The following GCNT2 variants were observed in gnomAD, a reference collection of about 807,000 sequenced individuals.
GCNT2 encodes N-acetyllactosaminide beta-1,6-N-acetylglucosaminyl-transferase.
GCNT2 carries 34 observed loss-of-function variants against 34.2 expected under a neutral mutation model. The ratio of observed to expected loss-of-function variants is 1.00; its 90% confidence interval spans 0.76 to 1.32. GCNT2 has a LOEUF of 1.32. Ranked by LOEUF, GCNT2 falls within the 40% of genes most tolerant of loss-of-function variation. GCNT2 has a pLI of 0.00. For synonymous variants in GCNT2, 212 were observed against 188.0 expected (o/e 1.13, Z -1.04); for missense variants, 584 against 489.4 (o/e 1.19, Z -1.82).
chr6:10,542,989 C>A (rs887660352), intron 3 of GCNT2, among the ~76,000 whole-genome samples: 5 of 149,542 alleles, frequency 3.3e-5, no homozygotes, highest in African/African-American at 1.2e-4. Flanking sequence ...CTCACTGCAA[C>A]CTCCACCTCC....
intron 3 of GCNT2, among the ~76,000 whole-genome samples, chr6:10,614,376 C>A (rs1765676045): frequency 6.6e-6 from 1 of 152,108 alleles, no homozygotes; most frequent in Non-Finnish European, 1.5e-5. Flanking sequence ...GCTGTAATCC[C>A]AGCATTTTGG....
chr6:10,539,180 CTTTT>C lies in GCNT2; in HGVS notation c.925+9367_925+9370del, dbSNP rs71548847. On this transcript the variant is annotated intron_variant, in intron 3 of 4. Transcript: ENST00000495262. ...AGCCTATCTCTACAGCTCACCGTCT[CTTTT>C]TTTTTTTTTTTTTTTTTTTTTTGAG... Among the ~76,000 whole-genome samples, 22 of 65,328 alleles carry C rather than the reference CTTTT, an allele frequency of 3.4e-4. No homozygotes were observed. In the South Asian group the frequency reaches 3.5e-3, roughly 10 times the overall value. 42.9% of individuals were successfully genotyped at this position (65,328 alleles called of 152,430 possible). A position where few individuals can be genotyped will look rare whatever the true frequency, so the allele number is the denominator to read the frequency against.
At chr6:10,568,854 T>C (rs958433686) in intron 3 of GCNT2, among the ~76,000 whole-genome samples, 34 of 152,182 alleles carry the variant, frequency 2.2e-4, no homozygotes, top group African/African-American at 8.0e-4. Flanking sequence ...ATTTAAATAA[T>C]GGCCTTGTTT....
chr6:10,602,470 A>T (rs188297290), intron 3 of GCNT2, among the ~76,000 whole-genome samples: 78 of 152,350 alleles, frequency 5.1e-4, no homozygotes, highest in African/African-American at 1.7e-3. Context: ...GGTTATTTGT[A>T]GAATAAGACT....
chr6:10,585,995 C>T (rs1328262036), intron 3 of GCNT2: 1 of 1,613,996 alleles, frequency 6.2e-7, no homozygotes, highest in South Asian at 1.1e-5. Flanking sequence ...AAATAATGAA[C>T]TTTTGGAGGT....
intron 3 of GCNT2, among the ~76,000 whole-genome samples, chr6:10,587,607 T>C (rs1367060578): frequency 1.3e-5 from 2 of 152,230 alleles, no homozygotes; most frequent in East Asian, 3.8e-4. Context: ...CATTCCAATT[T>C]GCAGCTTCTT....
At chr6:10,582,369 T>C (rs1157082735) in intron 3 of GCNT2, among the ~76,000 whole-genome samples, 1 of 108,072 alleles carries the variant, frequency 9.3e-6, no homozygotes, top group South Asian at 2.4e-4. Flanking sequence ...ATATAATATA[T>C]ACTATAATTT....
At chr6:10,577,777 G>A (rs1485360488) in intron 3 of GCNT2, among the ~76,000 whole-genome samples, 1 of 151,976 alleles carries the variant, frequency 6.6e-6, no homozygotes. Context: ...CTGTCCTCTG[G>A]TGATCCACCT....
At chr6:10,626,141 C>T (rs1388937167) in intron 4 of GCNT2, among the ~76,000 whole-genome samples, 1 of 152,098 alleles carries the variant, frequency 6.6e-6, no homozygotes, top group East Asian at 1.9e-4. Flanking sequence ...TTTTGATATA[C>T]ACAATAATTA....
intron 3 of GCNT2, among the ~76,000 whole-genome samples, chr6:10,577,666 G>A (rs571886844): frequency 2.0e-5 from 3 of 152,066 alleles, no homozygotes; most frequent in Non-Finnish European, 4.4e-5. Flanking sequence ...ACAGCCTCCC[G>A]AGTAGCTGGG....
At chr6:10,532,122 G>C (rs1307512824) in intron 3 of GCNT2, among the ~76,000 whole-genome samples, 1 of 152,038 alleles carries the variant, frequency 6.6e-6, no homozygotes, top group Non-Finnish European at 1.5e-5. Flanking sequence ...AGCAGGGCTG[G>C]GGAAGTGCTG....
At chr6:10,583,850 T>G (rs1168885157) in intron 3 of GCNT2, among the ~76,000 whole-genome samples, 4 of 152,194 alleles carry the variant, frequency 2.6e-5, no homozygotes, top group East Asian at 1.9e-4. Context: ...TATCTGAAGC[T>G]CTCTTTGTGA....
chr6:10,585,060 TGTGTGTGTGTGTGTGTGTGC>T (rs1177381664), intron 3 of GCNT2, among the ~76,000 whole-genome samples: 28 of 140,452 alleles, frequency 2.0e-4, no homozygotes, highest in Admixed American at 7.6e-4. Flanking sequence ...TGTGTGTGTG[TGTGTGTGTGTGTGTGTGTGC>T]GCGCTATATT....
rs551720749 is a variant in GCNT2 at position 10,628,396 on chromosome 6, A to G, written c.*1789A>G. On this transcript the variant is annotated 3_prime_UTR_variant, in exon 5 of 5. Transcript: ENST00000495262. ...TCATATTTAAAGGGAATGACTTTGA[A>G]GTAAAACCTTTTTTCTTGCTACTGA... The G allele has an allele frequency of 6.6e-6, 1 of 152,438 alleles. No individual in the cohort carries two copies. Among genetic ancestry groups the G allele is most frequent in the African/African-American group, 2.4e-5 (1 of 41,582 alleles). 9.4% of individuals were successfully genotyped at this position (152,438 alleles called of 1,614,324 possible).
chr6:10,522,988 T>A (rs1480770756), intron 1 of GCNT2, among the ~76,000 whole-genome samples: 2 of 152,234 alleles, frequency 1.3e-5, no homozygotes, highest in African/African-American at 4.8e-5. Context: ...TTGGAAAGCC[T>A]GGAGTTGTCA....
chr6:10,568,963 C>G (rs1581420589), intron 3 of GCNT2, among the ~76,000 whole-genome samples: 1 of 151,934 alleles, frequency 6.6e-6, no homozygotes, highest in South Asian at 2.1e-4. Context: ...CCTTTATAAA[C>G]CTCTGTTGTA....
chr6:10,601,911 A>T (rs1765099844), intron 3 of GCNT2, among the ~76,000 whole-genome samples: 1 of 148,422 alleles, frequency 6.7e-6, no homozygotes. Flanking sequence ...ACTGCACTCC[A>T]GCCTGGGCAA....
intron 3 of GCNT2, among the ~76,000 whole-genome samples, chr6:10,560,098 A>C (rs1762903438): frequency 6.6e-6 from 1 of 151,712 alleles, no homozygotes. Context: ...CAGCTCTTCT[A>C]TTTTTTTTGA....
chr6:10,542,806 A>G (rs917391422), intron 3 of GCNT2, among the ~76,000 whole-genome samples: 54 of 150,804 alleles, frequency 3.6e-4, no homozygotes, highest in South Asian at 2.5e-3. Flanking sequence ...TGCTATGAAC[A>G]TTCCTGAACA....
Sources: allele counts gnomAD v4.1 joint callset (sites outside exome capture counted in the v4.1 genomes callset), GRCh38; gene constraint gnomAD v4.1.1; transcripts MANE v1.5; gene names NCBI Gene and HGNC (gene_info 2026-07-23, HGNC 2026-07-21).